Variants in ACVR1 observed in about 807,000 individuals in gnomAD.
ACVR1 encodes activin receptor type-1.
ACVR1 carries 38 observed loss-of-function variants against 57.1 expected under a neutral mutation model. That is an observed-to-expected ratio of 0.67 (90% CI 0.51 to 0.87). The LOEUF (loss-of-function observed/expected upper bound fraction) is 0.87, where lower values mean the gene tolerates loss of function less well. ACVR1 is among the 40% of genes least tolerant of loss of function. ACVR1 has a pLI of 0.00. For synonymous variants in ACVR1, 212 were observed against 228.1 expected (o/e 0.93, Z 0.63); for missense variants, 463 against 638.2 (o/e 0.73, Z 2.96).
At chr2:157,756,956 G>A (rs1369173390) in intron 9 of ACVR1, among the ~76,000 whole-genome samples, 2 of 142,314 alleles carry the variant, frequency 1.4e-5, no homozygotes, top group African/African-American at 2.6e-5. Flanking sequence ...CTATCTACAC[G>A]TATTTTTTAT....
At chr2:157,823,100 C>T (rs566041052) in intron 1 of ACVR1, among the ~76,000 whole-genome samples, 10 of 152,166 alleles carry the variant, frequency 6.6e-5, no homozygotes, top group Non-Finnish European at 1.5e-4. Flanking sequence ...ATGGCAACGG[C>T]GAGAAGAAAT....
At chr2:157,781,467 C>T (rs1052190685) in intron 3 of ACVR1, among the ~76,000 whole-genome samples, 1 of 152,260 alleles carries the variant, frequency 6.6e-6, no homozygotes, top group Non-Finnish European at 1.5e-5. Context: ...AGTGGTAACA[C>T]TAAAGTTTAC....
intron 3 of ACVR1, among the ~76,000 whole-genome samples, chr2:157,785,973 T>C (rs1441133): frequency 0.81 from 122,953 of 152,070 alleles, 49,887 homozygotes; most frequent in East Asian, 0.93. Flanking sequence ...GCTCTTCAGT[T>C]TCCTCTTCAG....
chr2:157,866,863 C>A (rs1204568074), intron 1 of ACVR1, among the ~76,000 whole-genome samples: 1 of 152,212 alleles, frequency 6.6e-6, no homozygotes, highest in Non-Finnish European at 1.5e-5. Flanking sequence ...GTAGCTGGTT[C>A]ATTTTATCAT....
intron 1 of ACVR1, among the ~76,000 whole-genome samples, chr2:157,851,092 A>G (rs77766238): frequency 0.013 from 1,946 of 152,304 alleles, 20 homozygotes; most frequent in Middle Eastern, 0.024. Context: ...CAAAAAACCC[A>G]TATCTTCCCT....
At chr2:157,840,819 C>T (rs530958651) in intron 1 of ACVR1, among the ~76,000 whole-genome samples, 9 of 152,360 alleles carry the variant, frequency 5.9e-5, no homozygotes, top group East Asian at 5.8e-4. Flanking sequence ...GGCGATCACG[C>T]GCCACATCCT....
At chr2:157,794,310 T>A (rs1160074879) in intron 3 of ACVR1, among the ~76,000 whole-genome samples, 1 of 152,140 alleles carries the variant, frequency 6.6e-6, no homozygotes, top group Non-Finnish European at 1.5e-5. Context: ...ATAAAACTCT[T>A]CCTGCAGCTA....
At chr2:157,759,990 T>C (rs967880697) in intron 9 of ACVR1, among the ~76,000 whole-genome samples, 1 of 152,146 alleles carries the variant, frequency 6.6e-6, no homozygotes, top group African/African-American at 2.4e-5. Context: ...GGTAAATTTA[T>C]ACTGAATGGG....
intron 1 of ACVR1, among the ~76,000 whole-genome samples, chr2:157,859,245 C>G (rs1256299641): frequency 1.3e-5 from 2 of 152,156 alleles, no homozygotes; most frequent in Non-Finnish European, 2.9e-5. Context: ...AAGATGGTGA[C>G]GAGAGTGACC....
At chr2:157,826,012 C>T (rs893971382) in intron 1 of ACVR1, among the ~76,000 whole-genome samples, 1 of 152,190 alleles carries the variant, frequency 6.6e-6, no homozygotes, top group East Asian at 1.9e-4. Context: ...CATGAGACAT[C>T]CGTGTTGTAA....
chr2:157,738,219 T>C (rs985065427), intron 10 of ACVR1, among the ~76,000 whole-genome samples: 2 of 152,170 alleles, frequency 1.3e-5, no homozygotes, highest in African/African-American at 4.8e-5. Flanking sequence ...CTTACAAATA[T>C]TGTCATTCAC....
intron 3 of ACVR1, among the ~76,000 whole-genome samples, chr2:157,792,499 C>A (rs1211344554): frequency 6.6e-6 from 1 of 152,142 alleles, no homozygotes; most frequent in Non-Finnish European, 1.5e-5. Context: ...AGGTTCTAGA[C>A]CAGCTTTGTT....
chr2:157,830,733 C>CAA (rs10711957), intron 1 of ACVR1, among the ~76,000 whole-genome samples: 9 of 136,734 alleles, frequency 6.6e-5, no homozygotes, highest in African/African-American at 2.2e-4. Context: ...TTTGTTTCAC[C>CAA]AAAAAAAAAA....
At chr2:157,872,001 T>C (rs1168111240) in intron 1 of ACVR1, among the ~76,000 whole-genome samples, 1 of 152,184 alleles carries the variant, frequency 6.6e-6, no homozygotes, top group African/African-American at 2.4e-5. Flanking sequence ...TTCTTAAACT[T>C]AACATGGCAA....
chr2:157,835,444 T>G (rs1688749447), intron 1 of ACVR1, among the ~76,000 whole-genome samples: 1 of 152,262 alleles, frequency 6.6e-6, no homozygotes, highest in Admixed American at 6.5e-5. Flanking sequence ...TTATTAATAT[T>G]ATTGATGCTC....
At chr2:157,795,034 T>C (rs749242430) in intron 3 of ACVR1, among the ~76,000 whole-genome samples, 3 of 152,070 alleles carry the variant, frequency 2.0e-5, no homozygotes, top group Non-Finnish European at 2.9e-5. Context: ...CAAAATGTAT[T>C]AGAACAAAAT....
intron 9 of ACVR1, among the ~76,000 whole-genome samples, chr2:157,748,652 A>G (rs1183168782): frequency 1.3e-5 from 2 of 152,174 alleles, no homozygotes; most frequent in Non-Finnish European, 2.9e-5. Context: ...AACAACTTTA[A>G]AAAGAACTGT....
intron 1 of ACVR1, among the ~76,000 whole-genome samples, chr2:157,845,134 T>C (rs554193801): frequency 6.6e-6 from 1 of 152,290 alleles, no homozygotes; most frequent in South Asian, 2.1e-4. Context: ...ATAAGTTGTG[T>C]AGGCATGCCA....
chr2:157,868,523 C>T (rs1031132637), intron 1 of ACVR1, among the ~76,000 whole-genome samples: 2 of 151,706 alleles, frequency 1.3e-5, no homozygotes, highest in Non-Finnish European at 2.9e-5. Flanking sequence ...TTTTCTATAA[C>T]TTGGCCTCTA....
Sources: gnomAD v4.1 joint callset for allele counts (sites outside exome capture counted in the v4.1 genomes callset) on GRCh38, gnomAD v4.1.1 for gene constraint, MANE v1.5 for transcripts, NCBI Gene and HGNC (gene_info 2026-07-23, HGNC 2026-07-21) for gene names.